Variants in MYRIP observed in about 807,000 individuals in gnomAD.
The protein encoded by MYRIP is myosin VIIA and Rab interacting protein.
In MYRIP, 49 loss-of-function variants were observed where a neutral mutation model predicts 98.0. That is an observed-to-expected ratio of 0.50 (90% confidence interval 0.40 to 0.63). The LOEUF is 0.63. MYRIP is among the 30% of genes least tolerant of loss of function. The pLI is 0.00. For missense variants in MYRIP, 1,004 were observed against 1,058.2 expected (o/e 0.95, Z 0.71); for synonymous variants, 404 against 409.5 (o/e 0.99, Z 0.16).
chr3:39,996,743 C>T (rs186238143), intron 2 of MYRIP, among the ~76,000 whole-genome samples: 11 of 152,246 alleles, frequency 7.2e-5, no homozygotes, highest in African/African-American at 2.2e-4. Context: ...CTTTACAGCA[C>T]CACACCACAC....
At position 39,890,926 on chromosome 3, in the gene MYRIP, TG is replaced by T. The variant is rs201025928; in HGVS notation, c.-30-9860del. ...CCCTTGCCTTGAAGAAGGGTAGTTT[TG>T]CTGGTGTTTGCTGATGTCTGCAGCT... On this transcript the variant is annotated intron_variant, in intron 1 of 16. Coordinates refer to ENST00000302541, the MANE Select transcript of MYRIP (RefSeq NM_015460.4). Among the ~76,000 whole-genome samples, 965 of 152,256 alleles carry T rather than the reference TG, an allele frequency of 6.3e-3. 8 individuals are homozygous for T. Among genetic ancestry groups the T allele is most frequent in the African/African-American group, 0.022 (905 of 41,550 alleles).
chr3:40,071,848 G>A (rs1024029411), intron 3 of MYRIP, among the ~76,000 whole-genome samples: 4 of 152,182 alleles, frequency 2.6e-5, no homozygotes, highest in African/African-American at 7.2e-5. Context: ...GGTGTGGCAT[G>A]GTGATATCAT....
chr3:40,089,747 G>C (rs959969397), intron 3 of MYRIP, among the ~76,000 whole-genome samples: 11 of 152,248 alleles, frequency 7.2e-5, no homozygotes, highest in Middle Eastern at 3.4e-3. Flanking sequence ...GATGTTGCTG[G>C]CTTATTATAT....
At chr3:40,111,509 G>A (rs1329874756) in intron 3 of MYRIP, among the ~76,000 whole-genome samples, 1 of 152,134 alleles carries the variant, frequency 6.6e-6, no homozygotes, top group Non-Finnish European at 1.5e-5. Context: ...TCACACAAAG[G>A]TTTTGTGATA....
At position 40,244,464 on chromosome 3, in the gene MYRIP, A is replaced by G; in HGVS notation, c.2119A>G (p.Thr707Ala). The change falls in exon 13 of 17, where the codon ACT (threonine) becomes GCT (alanine). Residue 707 changes from threonine (T) to alanine (A), a missense_variant. Coordinates refer to ENST00000302541, the MANE Select transcript of MYRIP (RefSeq NM_015460.4). ...TCTACAGGTATACCTGGCAGCAGGCACTGTGTATGGACTGGAGACCCAGCT... is the reference window on the plus strand; with the variant it reads ...TCTACAGGTATACCTGGCAGCAGGCGCTGTGTATGGACTGGAGACCCAGCT... ...LEENVYLAAG[T>A]VYGLETQLTE... 1 of 1,612,964 alleles carries G rather than the reference A, an allele frequency of 6.2e-7. No homozygotes were observed. Among genetic ancestry groups the G allele is most frequent in the Non-Finnish European group, 8.5e-7 (1 of 1,179,430 alleles).
rs751894190 is a variant in MYRIP at position 40,218,612 on chromosome 3, TTATATATATATATATATATA to T, written c.1905+8544_1905+8563del. ...ACACACACACACATATATATATATT[TTATATATATATATATATATA>T]TATATATATATATATATATATATAC... On this transcript the variant is annotated intron_variant, in intron 11 of 16. Coordinates refer to ENST00000302541, the MANE Select transcript of MYRIP (RefSeq NM_015460.4). Among the ~76,000 whole-genome samples the T allele has an allele frequency of 1.3e-3, 17 of 13,550 alleles. No homozygotes were observed. In the South Asian group the frequency reaches 0.014, roughly 11 times the overall value. The allele number at this position is 13,550 out of a possible 152,430, so 8.9% of individuals were successfully genotyped here. A position where few individuals can be genotyped will look rare whatever the true frequency, so the allele number is the denominator to read the frequency against.
At chr3:39,824,020 T>C (rs1941193842) in intron 1 of MYRIP, among the ~76,000 whole-genome samples, 1 of 152,224 alleles carries the variant, frequency 6.6e-6, no homozygotes, top group Non-Finnish European at 1.5e-5. Context: ...CCATTTTGAA[T>C]TGATTTTTGT....
intron 1 of MYRIP, among the ~76,000 whole-genome samples, chr3:39,842,433 C>A (rs1941831592): frequency 6.6e-6 from 1 of 152,192 alleles, no homozygotes; most frequent in Non-Finnish European, 1.5e-5. Context: ...GACCACTTGG[C>A]TCCCTGGCTT....
intron 16 of MYRIP, among the ~76,000 whole-genome samples, chr3:40,255,948 ACCCTC>A (rs1953576091): frequency 6.6e-6 from 1 of 152,166 alleles, no homozygotes; most frequent in South Asian, 2.1e-4. Flanking sequence ...AAGTAAACAA[ACCCTC>A]TATGATAACA....
intron 3 of MYRIP, among the ~76,000 whole-genome samples, chr3:40,069,928 T>G (rs1381033897): frequency 6.6e-6 from 1 of 152,220 alleles, no homozygotes; most frequent in Non-Finnish European, 1.5e-5. Context: ...ATTTTAAACA[T>G]TTAAATTTTA....
chr3:40,215,291 T>G (rs997096700), intron 11 of MYRIP, among the ~76,000 whole-genome samples: 2 of 152,190 alleles, frequency 1.3e-5, no homozygotes, highest in Non-Finnish European at 2.9e-5. Flanking sequence ...AGTTTCACTT[T>G]AAAGAGTGAA....
At chr3:39,880,094 A>G (rs1943121136) in intron 1 of MYRIP, among the ~76,000 whole-genome samples, 1 of 152,020 alleles carries the variant, frequency 6.6e-6, no homozygotes, top group African/African-American at 2.4e-5. Context: ...TTTAGGGTAC[A>G]TGTGCACAAC....
At chr3:40,124,809 G>GCCC (rs1949488570) in intron 3 of MYRIP, among the ~76,000 whole-genome samples, 1 of 152,208 alleles carries the variant, frequency 6.6e-6, no homozygotes, top group African/African-American at 2.4e-5. Context: ...TGGCATGGCT[G>GCCC]CTGTGCCAGC....
intron 2 of MYRIP, among the ~76,000 whole-genome samples, chr3:39,939,874 A>C (rs1296696793): frequency 6.6e-6 from 1 of 152,164 alleles, no homozygotes; most frequent in East Asian, 1.9e-4. Context: ...TTCCAGAAGT[A>C]GAATTTAGGA....
intron 1 of MYRIP, among the ~76,000 whole-genome samples, chr3:39,811,088 G>C (rs1329705127): frequency 3.9e-5 from 6 of 152,116 alleles, no homozygotes; most frequent in African/African-American, 1.4e-4. Context: ...GGCTCCAGTG[G>C]GGCCGCCTGT....
intron 8 of MYRIP, among the ~76,000 whole-genome samples, chr3:40,181,341 G>C (rs774487498): frequency 2.6e-5 from 4 of 152,162 alleles, no homozygotes; most frequent in Non-Finnish European, 5.9e-5. Flanking sequence ...CTGTGGGAGA[G>C]AGAAAGGTGA....
chr3:40,068,590 C>T (rs753840908), intron 3 of MYRIP, among the ~76,000 whole-genome samples: 4 of 152,068 alleles, frequency 2.6e-5, no homozygotes, highest in African/African-American at 9.7e-5. Context: ...TATCAACTTA[C>T]GGAGATATGA....
chr3:39,847,063 A>G (rs1306502271), intron 1 of MYRIP, among the ~76,000 whole-genome samples: 1 of 152,206 alleles, frequency 6.6e-6, no homozygotes. Flanking sequence ...TGCCAAGCTC[A>G]TCCAAAAACA....
At chr3:40,169,893 C>T in intron 7 of MYRIP, 57 bp from the exon 8 acceptor site, 1 of 1,608,678 alleles carries the variant, frequency 6.2e-7, no homozygotes, top group Non-Finnish European at 8.5e-7. Context: ...AGTTACTCCA[C>T]ATAGCATCAG....
Sources: allele counts gnomAD v4.1 joint callset (sites outside exome capture counted in the v4.1 genomes callset), GRCh38; gene constraint gnomAD v4.1.1; transcripts MANE v1.5; gene names NCBI Gene and HGNC (gene_info 2026-07-23, HGNC 2026-07-21).